The following SLFNL1 variants were observed in gnomAD, a reference collection of about 807,000 sequenced individuals.
The protein encoded by SLFNL1 is schlafen-like protein 1.
SLFNL1 carries 26 observed loss-of-function variants against 32.5 expected under a neutral mutation model. The ratio of observed to expected loss-of-function variants is 0.80; its 90% CI spans 0.59 to 1.11. SLFNL1 has a LOEUF of 1.11. SLFNL1 is among the 50% of genes least tolerant of loss of function. The probability of loss-of-function intolerance (pLI) is 0.00; values close to 1 mark genes in which losing one functional copy is unlikely to be tolerated. For missense variants in SLFNL1, 553 were observed against 546.5 expected (o/e 1.01, Z -0.12); for synonymous variants, 255 against 242.2 (o/e 1.05, Z -0.49).
In SLFNL1 at chr1:41,017,480, C is replaced by T; in HGVS notation, c.958-103G>A. On this transcript the variant is annotated intron_variant, in intron 4 of 5. Transcript: ENST00000302946. This position sits in a 1 kb window ranked among gnomAD's most constrained non-coding sequence, Gnocchi z 4.9. ...TTGCTCACTGATTCCTTAGGGCAGG[C>T]CAGCAGGGCTGGCACAGGGGCCATC... The T allele has an allele frequency of 1.3e-6, 2 of 1,515,864 alleles. No individual in the cohort carries two copies. Among genetic ancestry groups the T allele is most frequent in the East Asian group, 2.3e-5 (1 of 44,006 alleles). The allele number at this position is 1,515,864 out of a possible 1,614,324, so 93.9% of individuals were successfully genotyped here.
intron 3 of SLFNL1, among the ~76,000 whole-genome samples, chr1:41,019,228 G>A (rs1355128717): frequency 6.6e-6 from 1 of 152,092 alleles, no homozygotes; most frequent in Non-Finnish European, 1.5e-5. Flanking sequence ...CTCCCTACCA[G>A]CCCTGCAGCT....
intron 5 of SLFNL1, 64 bp from the exon 6 acceptor site, chr1:41,016,292 C>G: frequency 6.4e-7 from 1 of 1,568,134 alleles, no homozygotes; most frequent in Non-Finnish European, 8.7e-7. Context: ...CCGTCCTCCA[C>G]CTGGGGCCAA....
In SLFNL1 at chr1:41,020,325, C is replaced by T. The variant is rs986109264; in HGVS notation, c.336G>A (p.Leu112=). 6.2e-7 allele frequency: 1 copy of T among 1,613,672 alleles called. No homozygotes were observed. The highest frequency in any genetic ancestry group is 8.5e-7 in the Non-Finnish European group (1 of 1,180,016). The change falls in exon 3 of 6, where the codon CTG becomes CTA. Residue 112 remains leucine (L), a synonymous_variant. Coordinates refer to ENST00000302946, the MANE Select transcript of SLFNL1 (RefSeq NM_144990.4). ...RDTLASLPWR[L]QTALEEHLIL... is the part of the protein sequence containing the mutation. Reference sequence around the variant, plus strand: ...TTAGGTGCTCCTCCAGGGCCGTCTGCAGGCGCCAGGGGAGGGAGGCCAGGG... The same window carrying T: ...TTAGGTGCTCCTCCAGGGCCGTCTGTAGGCGCCAGGGGAGGGAGGCCAGGG...
chr1:41,016,109 C>T lies in SLFNL1; in HGVS notation c.1221G>A (p.Leu407=), dbSNP rs1195727286. 2 of 1,613,064 alleles carry T rather than the reference C, an allele frequency of 1.2e-6. No homozygotes were observed. The highest frequency in any genetic ancestry group is 1.7e-6 in the Non-Finnish European group (2 of 1,179,552). The stretch of plus-strand genomic sequence containing the variant: ...TCCTGCCTGCTCCCCAGGGCCCTCA[C>T]AGGACACAGCAGGTGCAGGACACAG... The part of the protein sequence containing the change: ...HGPVSCTCCV[L] The change falls in exon 6 of 6, where the codon CTG becomes CTA. Residue 407 remains leucine, a synonymous_variant. Coordinates refer to ENST00000302946, the MANE Select transcript of SLFNL1 (RefSeq NM_144990.4).
Position 41,017,339 on chromosome 1 carries a change from G to C in SLFNL1, c.996C>G (p.Ser332Arg). Residue 332 changes from serine to arginine, a missense_variant, in exon 5 of 6, where the codon AGC becomes AGG. Ser to Arg is a moderately radical substitution (Grantham distance 110, BLOSUM62 -1). Transcript: ENST00000302946. The surrounding 1 kb of genome is among the most constrained non-coding windows in gnomAD (Gnocchi z 4.9). ...GGTCTGTCTGGTAGAGTTGCGGCTGGCTCTGGGCCTTGGGGGTGTGCACGG... is the reference window on the plus strand; with the variant it reads ...GGTCTGTCTGGTAGAGTTGCGGCTGCCTCTGGGCCTTGGGGGTGTGCACGG... ...RLTVHTPKAQ[S>R]QPQLYQTDQG... The C allele has an allele frequency of 6.2e-7, 1 of 1,613,822 alleles. No individual in the cohort carries two copies. The highest frequency in any genetic ancestry group is 8.5e-7 in the Non-Finnish European group (1 of 1,179,944).
rs769394642 is a variant in SLFNL1 at position 41,020,721 on chromosome 1, G to T, written c.-61C>A. 4 of 1,518,092 alleles carry T rather than the reference G, an allele frequency of 2.6e-6. No individual in the cohort carries two copies. Among genetic ancestry groups the T allele is most frequent in the Non-Finnish European group, 3.6e-6 (4 of 1,115,502 alleles). 94.0% of individuals were successfully genotyped at this position (1,518,092 alleles called of 1,614,324 possible). ...CTCACTGCTGGCTGCTTCTCCCAGG[G>T]TCTGTGTTCTCAGTGTGGCTTAAGG... On this transcript the variant is annotated 5_prime_UTR_variant, in exon 3 of 6. Coordinates refer to ENST00000302946, the MANE Select transcript of SLFNL1 (RefSeq NM_144990.4).
chr1:41,016,300 C>G (rs1643317948), intron 5 of SLFNL1, 72 bp from the exon 6 acceptor site: 2 of 1,557,344 alleles, frequency 1.3e-6, no homozygotes, highest in South Asian at 1.2e-5. Flanking sequence ...CACCTGGGGC[C>G]AAACTGAGGG....
chr1:41,016,383 C>CG, intron 5 of SLFNL1, 155 bp from the exon 6 acceptor site: 1 of 1,171,862 alleles, frequency 8.5e-7, no homozygotes. Context: ...CCTGCTGCCA[C>CG]CTTCAACCGT....
Position 41,018,015 on chromosome 1 carries a change from T to C in SLFNL1, c.577A>G (p.Ser193Gly), listed in dbSNP as rs2148441587. The change falls in exon 4 of 6, where the codon AGC (serine) becomes GGC (glycine). Residue 193 changes from serine to glycine, a missense_variant. Transcript: ENST00000302946. ...QQLQSCQGRP[S>G]GVCSDSAIVH... is the part of the protein sequence containing the mutation. ...ATGGCACTGTCGGAGCACACGCCGCTGGGCCGGCCCTGGCAGCTCTGCAGC... is the reference window on the plus strand; with the variant it reads ...ATGGCACTGTCGGAGCACACGCCGCCGGGCCGGCCCTGGCAGCTCTGCAGC... The C allele has an allele frequency of 2.5e-6, 4 of 1,603,142 alleles. No individual in the cohort carries two copies. Among genetic ancestry groups the C allele is most frequent in the African/African-American group, 2.7e-5 (2 of 74,834 alleles).
At chr1:41,016,415 G>A (rs1208899762) in intron 5 of SLFNL1, 187 bp from the exon 6 acceptor site, 6 of 858,380 alleles carry the variant, frequency 7.0e-6, no homozygotes, top group Middle Eastern at 3.7e-4. Flanking sequence ...GGAAGCTGCC[G>A]GCTGCCAGCC....
intron 5 of SLFNL1, chr1:41,016,463 G>A: frequency 1.8e-6 from 1 of 553,884 alleles, no homozygotes; most frequent in South Asian, 2.2e-5. Context: ...CAGGCCATGT[G>A]CCTCCTCACT....
chr1:41,017,461 ACTGATTC>A lies in SLFNL1; in HGVS notation c.958-91_958-85del, dbSNP rs1291671497. On this transcript the variant is annotated intron_variant, in intron 4 of 5. Coordinates refer to ENST00000302946, the MANE Select transcript of SLFNL1 (RefSeq NM_144990.4). This position sits in a 1 kb window ranked among gnomAD's most constrained non-coding sequence, Gnocchi z 4.9. ...CCTGCCAGGCTGCTCAGCATTGCTC[ACTGATTC>A]CTTAGGGCAGGCCAGCAGGGCTGGC... 3.2e-6 allele frequency: 5 copies of A among 1,544,740 alleles called. No individual in the cohort carries two copies. Among genetic ancestry groups the A allele is most frequent in the Non-Finnish European group, 4.4e-6 (5 of 1,147,030 alleles).
At position 41,017,685 on chromosome 1, in the gene SLFNL1, G is replaced by C. The variant is rs981259360; in HGVS notation, c.907C>G (p.Leu303Val). The C allele has an allele frequency of 6.4e-7, 1 of 1,569,588 alleles. No individual in the cohort carries two copies. Among genetic ancestry groups the C allele is most frequent in the Non-Finnish European group, 8.7e-7 (1 of 1,153,964 alleles). Residue 303 changes from leucine (L) to valine (V), a missense_variant, in exon 4 of 6, where the codon CTC (leucine) becomes GTC (valine). Coordinates refer to ENST00000302946, the MANE Select transcript of SLFNL1 (RefSeq NM_144990.4). The surrounding 1 kb of genome is among the most constrained non-coding windows in gnomAD (Gnocchi z 4.9). ...KPQIFPDAYT[L>V]TFIPVISTSE... The stretch of plus-strand genomic sequence containing the variant: ...GTACTGATCACAGGGATGAAGGTGA[G>C]AGTGTAGGCATCGGGAAAGATCTGA...
chr1:41,021,092 G>T (rs907684864), intron 1 of SLFNL1: 16 of 173,104 alleles, frequency 9.2e-5, no homozygotes, highest in Middle Eastern at 3.0e-3. Context: ...CTGCCTCCAG[G>T]CAACAGAGAA....
chr1:41,017,186 C>T lies in SLFNL1; in HGVS notation c.1101+48G>A. ...CTGCTCAGTGGGTGGCTGAAGGGGTCTGGGGTCAGCTCCGCTCCACCCCAC... is the reference window on the plus strand; with the variant it reads ...CTGCTCAGTGGGTGGCTGAAGGGGTTTGGGGTCAGCTCCGCTCCACCCCAC... On this transcript the variant is annotated intron_variant, in intron 5 of 5. Coordinates refer to ENST00000302946, the MANE Select transcript of SLFNL1 (RefSeq NM_144990.4). The surrounding 1 kb of genome is among the most constrained non-coding windows in gnomAD (Gnocchi z 4.9). 6.6e-7 allele frequency: 1 copy of T among 1,513,776 alleles called. No individual in the cohort carries two copies. The highest frequency in any genetic ancestry group is 8.8e-7 in the Non-Finnish European group (1 of 1,133,850). 93.8% of individuals were successfully genotyped at this position (1,513,776 alleles called of 1,614,324 possible). A position where few individuals can be genotyped will look rare whatever the true frequency, so the allele number is the denominator to read the frequency against.
chr1:41,019,817 G>A (rs1643685311), intron 3 of SLFNL1, among the ~76,000 whole-genome samples: 1 of 152,228 alleles, frequency 6.6e-6, no homozygotes, highest in African/African-American at 2.4e-5. Context: ...GGCTTCCTGG[G>A]GGCCTGGCTG....
chr1:41,020,681 G>C lies in SLFNL1; in HGVS notation c.-21C>G, dbSNP rs1222676963. The C allele has an allele frequency of 6.3e-7, 1 of 1,595,696 alleles. No individual in the cohort carries two copies. The highest frequency in any genetic ancestry group is 2.2e-5 in the East Asian group (1 of 44,516). Reference sequence around the variant, plus strand: ...GTCATGGGAAGGCTCTCCCTGGGAAGGGGTTCCAGGATTCCTCACTGCTGG... The same window carrying C: ...GTCATGGGAAGGCTCTCCCTGGGAACGGGTTCCAGGATTCCTCACTGCTGG... On this transcript the variant is annotated 5_prime_UTR_variant, in exon 3 of 6. Transcript: ENST00000302946.
Position 41,017,827 on chromosome 1 carries a change from G to T in SLFNL1, c.765C>A (p.Gly255=). 1.9e-6 allele frequency: 3 copies of T among 1,598,350 alleles called. No individual in the cohort carries two copies. The highest frequency in any genetic ancestry group is 2.6e-6 in the Non-Finnish European group (3 of 1,168,800). The change falls in exon 4 of 6, where the codon GGC becomes GGA. Residue 255 remains glycine (G), a synonymous_variant. Coordinates refer to ENST00000302946, the MANE Select transcript of SLFNL1 (RefSeq NM_144990.4). This position sits in a 1 kb window ranked among gnomAD's most constrained non-coding sequence, Gnocchi z 4.9. ...RYVCAFLNSE[G]GSLLVGVEDS... is the part of the protein sequence containing the mutation. ...CCTCTACTCCCACGAGCAGGCTGCC[G>T]CCCTCGCTGTTGAGGAAGGCGCACA...
Position 41,018,141 on chromosome 1 carries a change from C to T in SLFNL1, c.451G>A (p.Glu151Lys). ...FSHREEKEEE[E>K]EDSGLSPGPS... ...CCAGGGCTCAGGCCACTGTCCTCCT[C>T]CTCCTCCTCCTTCTCCTAGGGTGGT... The change falls in exon 4 of 6, where the codon GAG (glutamate) becomes AAG (lysine). Residue 151 changes from glutamate to lysine, a missense_variant. Physicochemically the swap from Glu to Lys is moderately conservative, Grantham distance 56. Transcript: ENST00000302946. The T allele has an allele frequency of 2.0e-6, 3 of 1,492,986 alleles. No homozygotes were observed. The highest frequency in any genetic ancestry group is 2.7e-6 in the Non-Finnish European group (3 of 1,115,574). 92.5% of individuals were successfully genotyped at this position (1,492,986 alleles called of 1,614,324 possible).
Sources: gnomAD v4.1 joint callset for allele counts (sites outside exome capture counted in the v4.1 genomes callset) on GRCh38, gnomAD v4.1.1 for gene constraint, Gnocchi (gnomAD v3.1) non-coding constraint, MANE v1.5 for transcripts, NCBI Gene and HGNC (gene_info 2026-07-23, HGNC 2026-07-21) for gene names.